The following EFCAB13 variants were observed in gnomAD, a reference collection of about 807,000 sequenced individuals.
EFCAB13 encodes the protein EF-hand calcium binding domain 13, also known as EF-hand calcium-binding domain-containing protein 13.
A neutral mutation model predicts 110.2 loss-of-function variants in EFCAB13; 91 were observed. That is an observed-to-expected ratio of 0.83 (90% CI 0.70 to 0.98). EFCAB13 has a LOEUF of 0.98. EFCAB13 is among the 50% of genes least tolerant of loss of function. EFCAB13 has a pLI of 0.00. For missense variants in EFCAB13, 968 were observed against 1,119.4 expected, an observed-to-expected ratio of 0.86 and a Z score of 1.93; for synonymous variants, 323 against 369.9, an observed-to-expected ratio of 0.87 and a Z score of 1.45.
At chr17:47,396,028 T>C in intron 17 of EFCAB13, 51 bp downstream of exon 17, 1 of 1,485,056 alleles carries the variant, frequency 6.7e-7, no homozygotes, top group Non-Finnish European at 9.1e-7. Flanking sequence ...TATTACTTTA[T>C]TTTCTGTCAA....
At chr17:47,413,954 T>G (rs1387075401) in intron 22 of EFCAB13, among the ~76,000 whole-genome samples, 2 of 152,204 alleles carry the variant, frequency 1.3e-5, no homozygotes, top group Non-Finnish European at 2.9e-5. Flanking sequence ...TAGCCATTTC[T>G]GGGTCTCATC....
In EFCAB13 at chr17:47,409,691, G is replaced by A. The variant is rs565840759; in HGVS notation, c.2278G>A (p.Glu760Lys). The A allele has an allele frequency of 3.7e-5, 59 of 1,607,204 alleles. 1 individual carries two copies. In the South Asian group the frequency reaches 4.8e-4, roughly 13 times the overall value. ...ASNLKLPKVN[E>K]IKEAANILSH... ...AAATCTAAAATTACCAAAGGTAAAC[G>A]GTGAGTAAGAACTTTGTATATGAGA... Residue 760 changes from glutamate (E) to lysine (K), a missense_variant and splice_region_variant, in exon 21 of 25, where the codon GAG becomes AAG. Coordinates refer to ENST00000331493, the MANE Select transcript of EFCAB13 (RefSeq NM_152347.5).
In EFCAB13 at chr17:47,345,014, A is replaced by G. The variant is rs1407144563; in HGVS notation, c.435-2A>G. 1.9e-6 allele frequency: 3 copies of G among 1,599,368 alleles called. No individual in the cohort carries two copies. Among genetic ancestry groups the G allele is most frequent in the African/African-American group, 1.3e-5 (1 of 74,296 alleles). On this transcript the variant is annotated splice_acceptor_variant, in intron 7 of 24. Transcript: ENST00000331493. LOFTEE classifies it high-confidence loss of function. ...TTTCTAATATGGCTGTTTCTTTGAC[A>G]GGGAAAAGGAAATGCTGTCTAACCT...
intron 23 of EFCAB13, among the ~76,000 whole-genome samples, chr17:47,420,096 C>T (rs182760428): frequency 1.8e-4 from 28 of 152,144 alleles, no homozygotes; most frequent in Admixed American, 2.6e-4. Context: ...TGCAGGCGCA[C>T]GCCGCCACAC....
chr17:47,349,996 G>T (rs184369167), intron 9 of EFCAB13, among the ~76,000 whole-genome samples: 8 of 151,630 alleles, frequency 5.3e-5, no homozygotes, highest in African/African-American at 1.9e-4. Context: ...GGATGGTCTC[G>T]ATCTCTTGAC....
At chr17:47,325,923 A>AATAAATATAT in intron 2 of EFCAB13, among the ~76,000 whole-genome samples, 1 of 102,564 alleles carries the variant, frequency 9.8e-6, no homozygotes, top group East Asian at 3.5e-4. Flanking sequence ...ATATAAACAA[A>AATAAATATAT]ATATATATAT....
chr17:47,410,545 C>T lies in EFCAB13; in HGVS notation c.2278+854C>T, dbSNP rs971722468. On this transcript the variant is annotated intron_variant, in intron 21 of 24. Transcript: ENST00000331493. ...AGCCCCAAAACTCTTAACTTGTTCC[C>T]GTGCCAACTCAAAAGTCCAAATTCC... 5.4e-4 allele frequency among the ~76,000 whole-genome samples: 82 copies of T among 152,228 alleles called. 1 individual carries two copies. Among genetic ancestry groups the T allele is most frequent in the African/African-American group, 1.7e-3 (70 of 41,530 alleles).
In EFCAB13 at chr17:47,404,040, A is replaced by T. The variant is rs2065792393; in HGVS notation, c.2161+19A>T. 12 of 1,558,576 alleles carry T rather than the reference A, an allele frequency of 7.7e-6. No homozygotes were observed. The Admixed American group carries it at 8.1e-5, about 11-fold the overall frequency. ...GTTTCTGGTAAGCATTTTAAATATT[A>T]CTCTCAGGTTTTTTTTTTGTAGGAG... is the stretch of plus-strand genomic sequence containing the variant. On this transcript the variant is annotated intron_variant, in intron 19 of 24. Transcript: ENST00000331493.
rs1241604487 is a variant in EFCAB13, at chr17:47,431,224, C to G, written c.2638+1263C>G. Among the ~76,000 whole-genome samples the G allele has an allele frequency of 1.3e-5, 2 of 151,972 alleles. No homozygotes were observed. The highest frequency in any genetic ancestry group is 2.4e-5 in the African/African-American group (1 of 41,398). On this transcript the variant is annotated intron_variant, in intron 24 of 24. Transcript: ENST00000331493. This position sits in a 1 kb window ranked among gnomAD's most constrained non-coding sequence, Gnocchi z 4.1. ...TTATTCCTTCTAACTGTATTTTGTA[C>G]CCATTAACCAACCCCTTTTTTTAAT...
At chr17:47,355,949 A>G (rs951966909) in intron 9 of EFCAB13, among the ~76,000 whole-genome samples, 3 of 151,986 alleles carry the variant, frequency 2.0e-5, no homozygotes, top group Admixed American at 6.5e-5. Context: ...CCTTTTCTTC[A>G]TGCTCTGAAG....
At chr17:47,366,081 G>A (rs1029299841) in intron 10 of EFCAB13, among the ~76,000 whole-genome samples, 1 of 152,104 alleles carries the variant, frequency 6.6e-6, no homozygotes, top group Non-Finnish European at 1.5e-5. Flanking sequence ...TACTGTTCCA[G>A]CATCTTATTT....
At chr17:47,418,210 C>T (rs1040086318) in intron 23 of EFCAB13, among the ~76,000 whole-genome samples, 2 of 152,152 alleles carry the variant, frequency 1.3e-5, no homozygotes, top group Admixed American at 6.5e-5. Flanking sequence ...TAAGGGCAGT[C>T]CTGATTTTAA....
intron 15 of EFCAB13, among the ~76,000 whole-genome samples, chr17:47,393,511 G>GTA (rs2065719629): frequency 6.6e-6 from 1 of 152,012 alleles, no homozygotes; most frequent in Non-Finnish European, 1.5e-5. Flanking sequence ...ATAAATTGTG[G>GTA]TATACACCAT....
At chr17:47,376,150 T>C (rs895002744) in intron 12 of EFCAB13, among the ~76,000 whole-genome samples, 1 of 152,212 alleles carries the variant, frequency 6.6e-6, no homozygotes, top group East Asian at 1.9e-4. Flanking sequence ...AATGATTGTT[T>C]AGTGAAAATT....
chr17:47,385,245 T>C (rs2143393984), intron 14 of EFCAB13, among the ~76,000 whole-genome samples: 1 of 152,276 alleles, frequency 6.6e-6, no homozygotes. Flanking sequence ...GTTTTCCAAT[T>C]TGGTTCCATT....
intron 14 of EFCAB13, among the ~76,000 whole-genome samples, chr17:47,381,121 A>T (rs1322207538): frequency 6.6e-6 from 1 of 151,876 alleles, no homozygotes; most frequent in Non-Finnish European, 1.5e-5. Context: ...TGACCTTGTG[A>T]TCTGCCCACA....
chr17:47,396,166 T>G, intron 17 of EFCAB13, 189 bp downstream of exon 17: 1 of 421,342 alleles, frequency 2.4e-6, no homozygotes, highest in African/African-American at 2.0e-5. Context: ...ATAAAAATAT[T>G]ATTATGTAAT....
At chr17:47,333,627 TC>T (rs1382735119) in intron 4 of EFCAB13, among the ~76,000 whole-genome samples, 2 of 152,202 alleles carry the variant, frequency 1.3e-5, no homozygotes, top group Admixed American at 1.3e-4. Flanking sequence ...TGAGATAATG[TC>T]CCAATTTCAT....
intron 23 of EFCAB13, among the ~76,000 whole-genome samples, chr17:47,421,891 G>C (rs1010016494): frequency 5.9e-5 from 9 of 152,256 alleles, no homozygotes; most frequent in African/African-American, 2.2e-4. Context: ...ATTTAAGAAG[G>C]ATATAGTATC....
Sources: allele counts gnomAD v4.1 joint callset (sites outside exome capture counted in the v4.1 genomes callset), GRCh38; gene constraint gnomAD v4.1.1; non-coding constraint Gnocchi (gnomAD v3.1); transcripts MANE v1.5; gene names NCBI Gene and HGNC (gene_info 2026-07-23, HGNC 2026-07-21).